MB21D2: variants seen among roughly 807,000 people sequenced by gnomAD.
The protein encoded by MB21D2 is nucleotidyltransferase MB21D2.
MB21D2 carries 9 observed loss-of-function variants against 33.3 expected under a neutral mutation model. The ratio of observed to expected loss-of-function variants is 0.27; its 90% CI spans 0.16 to 0.47. The LOEUF (loss-of-function observed/expected upper bound fraction) is 0.47, where lower values mean the gene tolerates loss of function less well. Ranked by LOEUF, MB21D2 falls within the 20% of genes least tolerant of loss-of-function variation. MB21D2 has a pLI of 0.99. For synonymous variants in MB21D2, 241 were observed against 236.3 expected (o/e 1.02, Z -0.18); for missense variants, 540 against 624.6 (o/e 0.86, Z 1.44).
intron 1 of MB21D2, among the ~76,000 whole-genome samples, chr3:192,833,977 A>G (rs1050967006): frequency 3.3e-5 from 5 of 152,152 alleles, no homozygotes; most frequent in African/African-American, 1.2e-4. Context: ...TGGTTGTCTC[A>G]TATGTCTGTC....
intron 1 of MB21D2, 73 bp downstream of exon 1, chr3:192,917,557 G>C (rs1042740419): frequency 6.6e-6 from 10 of 1,523,748 alleles, no homozygotes; most frequent in Non-Finnish European, 9.0e-6. Context: ...GTCGAGAAGC[G>C]GCAATGGGTT....
intron 1 of MB21D2, among the ~76,000 whole-genome samples, chr3:192,889,969 C>CT (rs1027156402): frequency 9.9e-5 from 15 of 152,092 alleles, no homozygotes; most frequent in Middle Eastern, 3.2e-3. Flanking sequence ...CCAGAAATGA[C>CT]TTCACTGTGA....
intron 1 of MB21D2, among the ~76,000 whole-genome samples, chr3:192,869,660 C>T (rs977275555): frequency 6.6e-6 from 1 of 152,162 alleles, no homozygotes; most frequent in Non-Finnish European, 1.5e-5. Context: ...TGAAAACCCC[C>T]CTTTCTCCTC....
chr3:192,888,268 A>G (rs945464611), intron 1 of MB21D2, among the ~76,000 whole-genome samples: 2 of 152,070 alleles, frequency 1.3e-5, no homozygotes, highest in African/African-American at 4.8e-5. Flanking sequence ...TCTCCTCCTC[A>G]ATCTATTAAG....
At chr3:192,900,982 C>G (rs796510752) in intron 1 of MB21D2, among the ~76,000 whole-genome samples, 9 of 151,696 alleles carry the variant, frequency 5.9e-5, no homozygotes, top group African/African-American at 1.9e-4. Context: ...TCCAAGGCCT[C>G]TGTTGAAGAA....
intron 1 of MB21D2, among the ~76,000 whole-genome samples, chr3:192,823,508 AG>A (rs1712102799): frequency 6.6e-6 from 1 of 152,138 alleles, no homozygotes; most frequent in African/African-American, 2.4e-5. Flanking sequence ...ACAAAAAATT[AG>A]CCGGGTGTGG....
intron 1 of MB21D2, among the ~76,000 whole-genome samples, chr3:192,804,324 C>T (rs543713317): frequency 6.7e-6 from 1 of 148,782 alleles, no homozygotes; most frequent in Admixed American, 6.8e-5. Context: ...TTCTTGTTGT[C>T]TTTACAACCC....
At position 192,907,237 on chromosome 3, in the gene MB21D2, T is replaced by C. The variant is rs115149475; in HGVS notation, c.211+10393A>G. Among the ~76,000 whole-genome samples the C allele has an allele frequency of 4.1e-3, 629 of 152,266 alleles. 5 individuals are homozygous for C. The highest frequency in any genetic ancestry group is 0.014 in the African/African-American group (597 of 41,560). On this transcript the variant is annotated intron_variant, in intron 1 of 1. Transcript: ENST00000392452. ...TAAACACTGTCACAAGCCCTAAGGA[T>C]GAGTTGGGCAAGGCCTAAAAATCAG... is the stretch of plus-strand genomic sequence containing the variant.
chr3:192,831,210 CT>C (rs1712307166), intron 1 of MB21D2, among the ~76,000 whole-genome samples: 1 of 152,188 alleles, frequency 6.6e-6, no homozygotes, highest in Non-Finnish European at 1.5e-5. Flanking sequence ...TCAAAGGAAC[CT>C]TGTGGAGACG....
At chr3:192,826,019 G>A (rs9864500) in intron 1 of MB21D2, among the ~76,000 whole-genome samples, 55,209 of 152,010 alleles carry the variant, frequency 0.36, 10,749 homozygotes, top group East Asian at 0.6. Context: ...CCAGGCTGGT[G>A]CTGGGAAACT....
rs547119489 is a variant in MB21D2, at chr3:192,884,104, C to T, written c.211+33526G>A. Among the ~76,000 whole-genome samples, 18 of 152,084 alleles carry T rather than the reference C, an allele frequency of 1.2e-4. No homozygotes were observed. The South Asian group carries it at 3.5e-3, about 30-fold the overall frequency. The stretch of plus-strand genomic sequence containing the variant: ...CCATGTCCGAAGCCCTTGGCATGGG[C>T]GTATATCAGATGGGACATTCCCCTA... On this transcript the variant is annotated intron_variant, in intron 1 of 1. Transcript: ENST00000392452.
rs386669738 is a variant in MB21D2 at position 192,875,077 on chromosome 3, GAGACC to G, written c.211+42548_211+42552del. On this transcript the variant is annotated intron_variant, in intron 1 of 1. Coordinates refer to ENST00000392452, the MANE Select transcript of MB21D2 (RefSeq NM_178496.4). ...TTGGGTGTGCCACCTATCTTCTACT[GAGACC>G]CCGACTGATACAGTGTTTAACAAAC... Among the ~76,000 whole-genome samples, 1,168 of 151,662 alleles carry G rather than the reference GAGACC, an allele frequency of 7.7e-3. 11 individuals are homozygous for G. Among genetic ancestry groups the G allele is most frequent in the African/African-American group, 0.027 (1,109 of 41,310 alleles).
At chr3:192,891,608 T>C (rs981888786) in intron 1 of MB21D2, among the ~76,000 whole-genome samples, 4 of 152,156 alleles carry the variant, frequency 2.6e-5, no homozygotes, top group African/African-American at 9.7e-5. Flanking sequence ...ATGACACTGT[T>C]TAACATGATG....
At chr3:192,835,717 CTCTGT>C (rs1712422738) in intron 1 of MB21D2, among the ~76,000 whole-genome samples, 1 of 152,004 alleles carries the variant, frequency 6.6e-6, no homozygotes. Flanking sequence ...CTACTATTGT[CTCTGT>C]TCTACCTTTG....
intron 1 of MB21D2, among the ~76,000 whole-genome samples, chr3:192,860,252 CA>C (rs1262341527): frequency 6.6e-6 from 1 of 152,210 alleles, no homozygotes. Flanking sequence ...GTCTCCCCAG[CA>C]CAGCAGAGCA....
chr3:192,823,207 C>G lies in MB21D2; in HGVS notation c.212-23557G>C, dbSNP rs1156553989. 3.3e-5 allele frequency among the ~76,000 whole-genome samples: 5 copies of G among 152,292 alleles called. No homozygotes were observed. In the East Asian group the frequency reaches 9.6e-4, roughly 29 times the overall value. The stretch of plus-strand genomic sequence containing the variant: ...AACACATTTAAAATAAAATCAAAAT[C>G]ACCTGCAAAGAAATTGTTTAGGTTT... On this transcript the variant is annotated intron_variant, in intron 1 of 1. Coordinates refer to ENST00000392452, the MANE Select transcript of MB21D2 (RefSeq NM_178496.4).
intron 1 of MB21D2, among the ~76,000 whole-genome samples, chr3:192,845,328 A>G (rs529155476): frequency 6.6e-6 from 1 of 152,380 alleles, no homozygotes; most frequent in East Asian, 1.9e-4. Context: ...TTCCTAAGTC[A>G]GGCAACTGCC....
At chr3:192,863,312 C>T (rs535178112) in intron 1 of MB21D2, among the ~76,000 whole-genome samples, 1 of 152,238 alleles carries the variant, frequency 6.6e-6, no homozygotes, top group East Asian at 1.9e-4. Context: ...CTGTTTTGGG[C>T]CACCCAATTT....
chr3:192,819,726 A>C (rs1164133633), intron 1 of MB21D2, among the ~76,000 whole-genome samples: 1 of 152,202 alleles, frequency 6.6e-6, no homozygotes, highest in Non-Finnish European at 1.5e-5. Flanking sequence ...AGTGGTCCCC[A>C]AGTCCCCTCT....
Sources: gnomAD v4.1 joint callset for allele counts (sites outside exome capture counted in the v4.1 genomes callset) on GRCh38, gnomAD v4.1.1 for gene constraint, MANE v1.5 for transcripts, NCBI Gene and HGNC (gene_info 2026-07-23, HGNC 2026-07-21) for gene names.